SLC22A8: variants seen among roughly 807,000 people sequenced by gnomAD.
The protein encoded by SLC22A8 is organic anion transporter 3.
Under a neutral mutation model 48.4 loss-of-function variants are expected in SLC22A8, and 40 were observed. That is an observed-to-expected ratio of 0.83 (90% confidence interval 0.64 to 1.08). SLC22A8 has a LOEUF of 1.08. Ranked by LOEUF, SLC22A8 falls within the 50% of genes least tolerant of loss-of-function variation. The pLI is 0.00. For missense variants in SLC22A8, 606 were observed against 699.0 expected, an observed-to-expected ratio of 0.87 and a Z score of 1.50; for synonymous variants, 268 against 286.3, an observed-to-expected ratio of 0.94 and a Z score of 0.65.
Position 62,994,600 on chromosome 11 carries a change from C to T in SLC22A8, c.1158G>A (p.Gln386=). The stretch of plus-strand genomic sequence containing the variant: ...CTCCTGCCAGGAGCAGGGCAGCGGC[C>T]TGAGTGGTATGCCGGCCCAGGTAGC... ...SLSYLGRHTT[Q]AAALLLAGGA... The change falls in exon 8 of 11, where the codon CAG becomes CAA. Residue 386 remains glutamine, a synonymous_variant. Coordinates refer to ENST00000336232, the MANE Select transcript of SLC22A8 (RefSeq NM_004254.4). The T allele has an allele frequency of 1.9e-6, 3 of 1,614,032 alleles. No individual in the cohort carries two copies. Among genetic ancestry groups the T allele is most frequent in the Non-Finnish European group, 2.5e-6 (3 of 1,179,982 alleles).
At position 62,993,404 on chromosome 11, in the gene SLC22A8, G is replaced by C. The variant is rs2086367599; in HGVS notation, c.1529+20C>G. The C allele has an allele frequency of 6.2e-7, 1 of 1,613,524 alleles. No homozygotes were observed. Among genetic ancestry groups the C allele is most frequent in the South Asian group, 1.1e-5 (1 of 91,068 alleles). ...CTTCCCCAGGGAGGAGCACTGATGG[G>C]GCCAGAGGCAGTGACTGACCAGTTT... On this transcript the variant is annotated intron_variant, in intron 10 of 10. Transcript: ENST00000336232.
rs2086410830 is a variant in SLC22A8 at position 62,995,819 on chromosome 11, C to G, written c.886G>C (p.Glu296Gln). ...KEEGERLSLE[E>Q]LKLNLQKEIS... ...TCCTTCTGCAGGTTGAGTTTGAGCT[C>G]CTTCGGGCAGAGGAGGGGGAGGGGT... Residue 296 changes from glutamate to glutamine, a missense_variant and splice_region_variant, in exon 7 of 11, where the codon GAG becomes CAG. By Grantham distance (29) the Glu-to-Gln change is conservative. Transcript: ENST00000336232. 1 of 1,612,080 alleles carries G rather than the reference C, an allele frequency of 6.2e-7. No individual in the cohort carries two copies. The highest frequency in any genetic ancestry group is 1.1e-5 in the South Asian group (1 of 91,046).
chr11:63,009,307 T>G (rs868051599), intron 2 of SLC22A8, among the ~76,000 whole-genome samples: 11 of 152,020 alleles, frequency 7.2e-5, no homozygotes, highest in South Asian at 6.2e-4. Context: ...ACAAGAGGCC[T>G]CACTGGGCAG....
chr11:62,993,718 C>T, intron 9 of SLC22A8, 52 bp downstream of exon 9: 3 of 1,583,784 alleles, frequency 1.9e-6, no homozygotes, highest in Non-Finnish European at 2.6e-6. Flanking sequence ...ATGCCACAGT[C>T]CCACCTGACC....
intron 1 of SLC22A8, among the ~76,000 whole-genome samples, chr11:63,015,483 T>C (rs1208206492): frequency 4.6e-5 from 7 of 152,288 alleles, no homozygotes; most frequent in Middle Eastern, 3.4e-3. Context: ...CCCCAGTTGC[T>C]CCAGGCAGAT....
chr11:63,015,066 A>G (rs2086659835), intron 1 of SLC22A8, 83 bp from the exon 2 acceptor site: 1 of 882,574 alleles, frequency 1.1e-6, no homozygotes, highest in Non-Finnish European at 1.7e-6. Flanking sequence ...GGGAGGGTGA[A>G]CCAGGTGGAT....
intron 2 of SLC22A8, among the ~76,000 whole-genome samples, chr11:63,008,739 G>A (rs1360184024): frequency 1.3e-5 from 2 of 152,184 alleles, no homozygotes; most frequent in Admixed American, 6.5e-5. Context: ...AGCTCATGCA[G>A]TAGAAAGGGC....
chr11:63,011,366 C>T (rs1590701578), intron 2 of SLC22A8, among the ~76,000 whole-genome samples: 1 of 152,304 alleles, frequency 6.6e-6, no homozygotes, highest in East Asian at 1.9e-4. Flanking sequence ...TGTGAGCATG[C>T]AGTAAATGTT....
rs780060603 is a variant in SLC22A8, at chr11:62,993,329, G to T, written c.1537C>A (p.Arg513=). The T allele has an allele frequency of 4.3e-6, 7 of 1,613,718 alleles. No homozygotes were observed. The highest frequency in any genetic ancestry group is 2.2e-5 in the East Asian group (1 of 44,872). Residue 513 remains arginine, a synonymous_variant, in exon 11 of 11, where the codon CGG becomes AGG. Transcript: ENST00000336232. Reference sequence around the variant, plus strand: ...GGCTCCTGCTTTGGCTTCTTTGCCCGCAGGGACCTAGGGACAGAGAGCTAA... The same window carrying T: ...GGCTCCTGCTTTGGCTTCTTTGCCCTCAGGGACCTAGGGACAGAGAGCTAA... ...TIEDLENWSL[R]AKKPKQEPEV... is the part of the protein sequence containing the mutation.
chr11:62,999,759 G>A lies in SLC22A8; in HGVS notation c.521C>T (p.Pro174Leu), dbSNP rs201361048. The change falls in exon 4 of 11, where the codon CCC becomes CTC. Residue 174 changes from proline (P) to leucine (L), a missense_variant. Transcript: ENST00000336232. ...CAGGAAGCGGAAGACCATGTAGATG[G>A]GGAAGGTGGGGCTGAAGGCTGCACC... ...GSGAAFSPTF[P>L]IYMVFRFLCG... is the part of the protein sequence containing the mutation. The A allele has an allele frequency of 8.1e-6, 13 of 1,607,646 alleles. No homozygotes were observed. Among genetic ancestry groups the A allele is most frequent in the Non-Finnish European group, 1.0e-5 (12 of 1,176,968 alleles).
intron 8 of SLC22A8, chr11:62,994,293 C>G: frequency 7.1e-6 from 4 of 565,008 alleles, no homozygotes; most frequent in Non-Finnish European, 1.3e-5. Flanking sequence ...ACTCTCAATA[C>G]CTCAAAAATT....
chr11:63,000,489 G>GA (rs59363642), intron 3 of SLC22A8, among the ~76,000 whole-genome samples: 25,852 of 88,132 alleles, frequency 0.29, 3,179 homozygotes, highest in African/African-American at 0.35. Flanking sequence ...CGTCTTAAGA[G>GA]AAAAAAAAAA....
In SLC22A8 at chr11:62,993,060, C is replaced by A. The variant is rs927219813; in HGVS notation, c.*177G>T. The stretch of plus-strand genomic sequence containing the variant: ...GAGAACAAGGGCAGGGATGGCTGAA[C>A]CTTTGAACTGGCCAGGGCTGGGCAG... On this transcript the variant is annotated 3_prime_UTR_variant, in exon 11 of 11. Coordinates refer to ENST00000336232, the MANE Select transcript of SLC22A8 (RefSeq NM_004254.4). 3.0e-4 allele frequency: 179 copies of A among 598,026 alleles called. No homozygotes were observed. Among genetic ancestry groups the A allele is most frequent in the Middle Eastern group, 8.9e-4 (2 of 2,242 alleles). The allele number at this position is 598,026 out of a possible 1,614,324, so 37.0% of individuals were successfully genotyped here.
At position 63,013,393 on chromosome 11, in the gene SLC22A8, C is replaced by T. The variant is rs747382405; in HGVS notation, c.333+1233G>A. 6.6e-5 allele frequency among the ~76,000 whole-genome samples: 10 copies of T among 152,170 alleles called. 1 individual carries two copies. The highest frequency in any genetic ancestry group is 1.0e-4 in the Non-Finnish European group (7 of 68,048). ...CATCTCCTGGGCCTCCAGGAACCCACAGATGTATAGTGCTTGGCACCAGGT... is the reference window on the plus strand; with the variant it reads ...CATCTCCTGGGCCTCCAGGAACCCATAGATGTATAGTGCTTGGCACCAGGT... On this transcript the variant is annotated intron_variant, in intron 2 of 10. Coordinates refer to ENST00000336232, the MANE Select transcript of SLC22A8 (RefSeq NM_004254.4).
chr11:63,000,795 A>G lies in SLC22A8; in HGVS notation c.362T>C (p.Leu121Pro), dbSNP rs752560586. Residue 121 changes from leucine (L) to proline (P), a missense_variant, in exon 3 of 11, where the codon CTG (leucine) becomes CCG (proline). By Grantham distance (98) the Leu-to-Pro change is moderately conservative (BLOSUM62 -3). Transcript: ENST00000336232. Reference protein sequence around the residue: ...EWDLVCNSNKLKEMAQSIFMA... With the variant: ...EWDLVCNSNKPKEMAQSIFMA... ...GAAGATAGACTGGGCCATCTCCTTC[A>G]GTTTGTTGGAGTTGCACACCAAGTC... is the stretch of plus-strand genomic sequence containing the variant. 14 of 1,613,982 alleles carry G rather than the reference A, an allele frequency of 8.7e-6. No individual in the cohort carries two copies. The East Asian group carries it at 1.1e-4, about 13-fold the overall frequency.
Position 62,993,258 on chromosome 11 carries a change from T to A in SLC22A8, c.1608A>T (p.Gly536=). 1 of 1,612,702 alleles carries A rather than the reference T, an allele frequency of 6.2e-7. No individual in the cohort carries two copies. Among genetic ancestry groups the A allele is most frequent in the Non-Finnish European group, 8.5e-7 (1 of 1,179,796 alleles). Residue 536 remains glycine (G), a synonymous_variant, in exon 11 of 11, where the codon GGA becomes GGT. Coordinates refer to ENST00000336232, the MANE Select transcript of SLC22A8 (RefSeq NM_004254.4). The stretch of plus-strand genomic sequence containing the variant: ...GTCCTCAGCTGGAGCCCAGGCCTGG[T>A]CCGTGAGGCTGTAGAGGGATCCTCT... The part of the protein sequence containing the change: ...ASQRIPLQPH[G]PGLGSS
chr11:62,992,967 G>C lies in SLC22A8; in HGVS notation c.*270C>G. On this transcript the variant is annotated 3_prime_UTR_variant, in exon 11 of 11. Coordinates refer to ENST00000336232, the MANE Select transcript of SLC22A8 (RefSeq NM_004254.4). ...CAGGGGACCTCAGGGGAAGAGGACC[G>C]GGACAGTGGGGGAAGGTGGCCAGTG... 2.0e-6 allele frequency: 1 copy of C among 501,510 alleles called. No homozygotes were observed. The allele number at this position is 501,510 out of a possible 1,614,324, so 31.1% of individuals were successfully genotyped here.
Position 62,993,475 on chromosome 11 carries a change from G to T in SLC22A8, c.1478C>A (p.Pro493His). Reference sequence around the variant, plus strand: ...TGGCAAGGGCTGATTCAGGGTCTCAGGCAGGAAGAGGGCAGCACTGCCCCC... The same window carrying T: ...TGGCAAGGGCTGATTCAGGGTCTCATGCAGGAAGAGGGCAGCACTGCCCCC... ...LLGGSAALFL[P>H]ETLNQPLPET... The change falls in exon 10 of 11, where the codon CCT becomes CAT. Residue 493 changes from proline to histidine, a missense_variant. Pro to His is a moderately conservative substitution (Grantham distance 77). Coordinates refer to ENST00000336232, the MANE Select transcript of SLC22A8 (RefSeq NM_004254.4). 1 of 1,614,222 alleles carries T rather than the reference G, an allele frequency of 6.2e-7. No individual in the cohort carries two copies. Among genetic ancestry groups the T allele is most frequent in the Non-Finnish European group, 8.5e-7 (1 of 1,180,040 alleles).
At position 62,998,896 on chromosome 11, in the gene SLC22A8, A is replaced by C. The variant is rs780564481; in HGVS notation, c.761+25T>G. ...TTGGCCCTGGGGCACCTAAGGAAAC[A>C]GATGAAGAGGAGAGGGCCACATACC... On this transcript the variant is annotated intron_variant, in intron 5 of 10. Transcript: ENST00000336232. The C allele has an allele frequency of 1.9e-6, 3 of 1,582,682 alleles. No individual in the cohort carries two copies. In the African/African-American group the frequency reaches 4.0e-5, roughly 21 times the overall value.
Sources: allele counts gnomAD v4.1 joint callset (sites outside exome capture counted in the v4.1 genomes callset), GRCh38; gene constraint gnomAD v4.1.1; transcripts MANE v1.5; gene names NCBI Gene and HGNC (gene_info 2026-07-23, HGNC 2026-07-21).